ARL15: variants seen among roughly 807,000 people sequenced by gnomAD.
ARL15 encodes the protein ARF like GTPase 15, also known as ADP-ribosylation factor-like protein 15.
ARL15 carries 19 observed loss-of-function variants against 25.2 expected under a neutral mutation model. The ratio of observed to expected loss-of-function variants is 0.75; its 90% CI spans 0.53 to 1.10. The LOEUF is 1.10. Among genes scored for constraint, ARL15 ranks in the 50% least tolerant of loss-of-function variants. The pLI, the probability that ARL15 is intolerant of heterozygous loss-of-function variation, is 0.00. For missense variants in ARL15, 220 were observed against 246.0 expected (o/e 0.89, Z 0.71); for synonymous variants, 94 against 86.8 (o/e 1.08, Z -0.46).
chr5:54,048,749 T>TCC (rs1268834229), intron 4 of ARL15, among the ~76,000 whole-genome samples: 1 of 149,012 alleles, frequency 6.7e-6, no homozygotes, highest in Admixed American at 6.7e-5. Context: ...TTCTCAGCCT[T>TCC]CCCCAAAGGA....
chr5:53,972,107 C>T (rs1355106269), intron 4 of ARL15, among the ~76,000 whole-genome samples: 1 of 152,008 alleles, frequency 6.6e-6, no homozygotes, highest in Non-Finnish European at 1.5e-5. Flanking sequence ...ACTATTCTCT[C>T]AACTTTTGTA....
chr5:54,132,874 T>C (rs1289048667), intron 3 of ARL15, among the ~76,000 whole-genome samples: 1 of 152,214 alleles, frequency 6.6e-6, no homozygotes, highest in Non-Finnish European at 1.5e-5. Flanking sequence ...CAACCTGTTT[T>C]ATTACCAAGG....
At chr5:54,060,635 T>C (rs1219014861) in intron 4 of ARL15, among the ~76,000 whole-genome samples, 1 of 152,188 alleles carries the variant, frequency 6.6e-6, no homozygotes, top group Non-Finnish European at 1.5e-5. Context: ...CTCAGGTGTG[T>C]CTTTATCAGC....
chr5:53,946,511 C>T (rs1463109359), intron 4 of ARL15, among the ~76,000 whole-genome samples: 1 of 147,864 alleles, frequency 6.8e-6, no homozygotes, highest in Non-Finnish European at 1.5e-5. Context: ...TAGAATCTTT[C>T]CCCTAATGGA....
chr5:53,902,877 G>A (rs913466177), intron 4 of ARL15, among the ~76,000 whole-genome samples: 10 of 152,094 alleles, frequency 6.6e-5, no homozygotes, highest in African/African-American at 2.4e-4. Flanking sequence ...GAGGGGCAGG[G>A]AGCTGAGGCA....
intron 1 of ARL15, among the ~76,000 whole-genome samples, chr5:54,183,758 C>A (rs1174520076): frequency 6.6e-6 from 1 of 150,468 alleles, no homozygotes. Flanking sequence ...GGGTATATAC[C>A]CAAATGACTA....
intron 4 of ARL15, among the ~76,000 whole-genome samples, chr5:54,043,434 T>A (rs1750406653): frequency 6.6e-6 from 1 of 152,200 alleles, no homozygotes; most frequent in African/African-American, 2.4e-5. Flanking sequence ...AAGATTGAGA[T>A]AATTATGTAA....
rs114835009 is a variant in ARL15 at position 54,217,733 on chromosome 5, A to G, written c.49-45805T>C. Among the ~76,000 whole-genome samples the G allele has an allele frequency of 8.4e-3, 1,279 of 152,292 alleles. 7 individuals carry two copies. Among genetic ancestry groups the G allele is most frequent in the Non-Finnish European group, 0.012 (812 of 68,000 alleles). ...TGTTACCCTCGGTAGAATTAGAGGA[A>G]AAAACACTGATGCAAAGTTTAAGTG... On this transcript the variant is annotated intron_variant, in intron 1 of 4. Coordinates refer to ENST00000504924, the MANE Select transcript of ARL15 (RefSeq NM_019087.3).
intron 2 of ARL15, among the ~76,000 whole-genome samples, chr5:54,166,595 C>A (rs573633843): frequency 6.6e-6 from 1 of 152,058 alleles, no homozygotes; most frequent in Non-Finnish European, 1.5e-5. Context: ...GCCATTATTT[C>A]TTCAAATATT....
chr5:54,086,667 A>G (rs1044546591), intron 4 of ARL15, among the ~76,000 whole-genome samples: 1 of 152,144 alleles, frequency 6.6e-6, no homozygotes, highest in South Asian at 2.1e-4. Flanking sequence ...TCTATGAAAC[A>G]TACATGCTAT....
chr5:54,193,740 T>TTTGC (rs70986665), intron 1 of ARL15, among the ~76,000 whole-genome samples: 1 of 145,490 alleles, frequency 6.9e-6, no homozygotes. Flanking sequence ...TTTTTTTTTT[T>TTTGC]CCAGAACTGT....
intron 4 of ARL15, among the ~76,000 whole-genome samples, chr5:53,940,901 G>C (rs7730320): frequency 0.028 from 4,231 of 152,126 alleles, 225 homozygotes; most frequent in African/African-American, 0.097. Flanking sequence ...AAAGCAAACT[G>C]TTTCACCAAA....
chr5:54,111,415 C>A lies in ARL15; in HGVS notation c.462+1787G>T, dbSNP rs149314887. ...AGGAAAGACAGCCAGTCAACACACA[C>A]AAGGAATACTCAGAAGCAATTAATT... is the stretch of plus-strand genomic sequence containing the variant. On this transcript the variant is annotated intron_variant, in intron 4 of 4. Coordinates refer to ENST00000504924, the MANE Select transcript of ARL15 (RefSeq NM_019087.3). Among the ~76,000 whole-genome samples the A allele has an allele frequency of 2.1e-3, 312 of 152,080 alleles. 1 individual carries two copies. The highest frequency in any genetic ancestry group is 7.2e-3 in the African/African-American group (297 of 41,526).
At chr5:54,262,680 T>A (rs1216676784) in intron 1 of ARL15, among the ~76,000 whole-genome samples, 1 of 152,210 alleles carries the variant, frequency 6.6e-6, no homozygotes, top group Admixed American at 6.5e-5. Context: ...CAAGCAGAGC[T>A]GAGAGCCCCT....
chr5:53,903,805 G>T (rs959439279), intron 4 of ARL15, among the ~76,000 whole-genome samples: 2 of 152,154 alleles, frequency 1.3e-5, no homozygotes, highest in African/African-American at 2.4e-5. Flanking sequence ...AAATTGGGCT[G>T]AAACAAGTGT....
rs142571889 is a variant in ARL15 at position 54,179,536 on chromosome 5, T to C, written c.49-7608A>G. On this transcript the variant is annotated intron_variant, in intron 1 of 4. Coordinates refer to ENST00000504924, the MANE Select transcript of ARL15 (RefSeq NM_019087.3). ...TGCAGCTCTCTTGGAGTTAGAGAAG[T>C]TGGGTGAGAAATAGCATCCTTAAGA... Among the ~76,000 whole-genome samples the C allele has an allele frequency of 6.5e-3, 994 of 152,074 alleles. 4 individuals carry two copies. Among genetic ancestry groups the C allele is most frequent in the Non-Finnish European group, 0.011 (747 of 67,952 alleles).
intron 1 of ARL15, among the ~76,000 whole-genome samples, chr5:54,291,377 T>C (rs10074666): frequency 2.0e-5 from 3 of 152,206 alleles, no homozygotes; most frequent in African/African-American, 7.2e-5. Context: ...CCTACACATA[T>C]CCACCTGTAT....
At position 54,061,238 on chromosome 5, in the gene ARL15, G is replaced by A. The variant is rs375208982; in HGVS notation, c.462+51964C>T. ...AAAGGGCCAACATAGATCTCAGGCC[G>A]TGGCTTCAGATGGTGCAGGCCCCAA... is the stretch of plus-strand genomic sequence containing the variant. On this transcript the variant is annotated intron_variant, in intron 4 of 4. Coordinates refer to ENST00000504924, the MANE Select transcript of ARL15 (RefSeq NM_019087.3). Among the ~76,000 whole-genome samples the A allele has an allele frequency of 3.5e-4, 53 of 152,312 alleles. No homozygotes were observed. In the East Asian group the frequency reaches 8.7e-3, roughly 25 times the overall value.
intron 4 of ARL15, among the ~76,000 whole-genome samples, chr5:53,965,642 G>A (rs1056616207): frequency 6.6e-6 from 1 of 150,698 alleles, no homozygotes; most frequent in Non-Finnish European, 1.5e-5. Flanking sequence ...TTTTTTCTGT[G>A]TGGGGGGTTT....
Sources: allele counts gnomAD v4.1 joint callset (sites outside exome capture counted in the v4.1 genomes callset), GRCh38; gene constraint gnomAD v4.1.1; transcripts MANE v1.5; gene names NCBI Gene and HGNC (gene_info 2026-07-23, HGNC 2026-07-21).